Variants in CENPN observed in about 807,000 individuals in gnomAD.
CENPN encodes centromere protein N.
CENPN carries 36 observed loss-of-function variants against 48.6 expected under a neutral mutation model. That is an observed-to-expected ratio of 0.74 (90% CI 0.57 to 0.98). CENPN has a LOEUF of 0.98. Among genes scored for constraint, CENPN ranks in the 50% least tolerant of loss-of-function variants. The pLI, the probability that CENPN is intolerant of heterozygous loss-of-function variation, is 0.00. For synonymous variants in CENPN, 166 were observed against 135.2 expected (o/e 1.23, Z -1.58); for missense variants, 439 against 399.2 (o/e 1.10, Z -0.85).
chr16:81,009,640 A>G (rs1969659995), intron 1 of CENPN, among the ~76,000 whole-genome samples: 1 of 152,138 alleles, frequency 6.6e-6, no homozygotes. Flanking sequence ...TCTTACTATC[A>G]TTTTCAGTAT....
chr16:81,024,307 A>G (rs1970360837), intron 7 of CENPN: 1 of 153,610 alleles, frequency 6.5e-6, no homozygotes, highest in South Asian at 2.0e-4. Context: ...TATAAAAACA[A>G]TGGATTCAGT....
In CENPN at chr16:81,007,817, T is replaced by C. The variant is rs185936615; in HGVS notation, c.-11+540T>C. 5.0e-3 allele frequency among the ~76,000 whole-genome samples: 767 copies of C among 152,254 alleles called. 6 individuals are homozygous for C. The highest frequency in any genetic ancestry group is 0.018 in the African/African-American group (731 of 41,542). ...ACGCTAGGAAGTATAAAGAAAGTTTTAAAATGGGGCCAGGCGCGGTAGTTT... is the reference window on the plus strand; with the variant it reads ...ACGCTAGGAAGTATAAAGAAAGTTTCAAAATGGGGCCAGGCGCGGTAGTTT... On this transcript the variant is annotated intron_variant, in intron 1 of 10. Coordinates refer to ENST00000305850, the MANE Select transcript of CENPN (RefSeq NM_001100624.3).
At position 81,030,267 on chromosome 16, in the gene CENPN, C is replaced by G; in HGVS notation, c.*1616C>G. ...TTTTTTAAACATTTTAAAATCTATT[C>G]TTTATCTTGTTTCAGAGAGGATTTG... On this transcript the variant is annotated 3_prime_UTR_variant, in exon 11 of 11. Coordinates refer to ENST00000305850, the MANE Select transcript of CENPN (RefSeq NM_001100624.3). 1 of 985,390 alleles carries G rather than the reference C, an allele frequency of 1.0e-6. No homozygotes were observed. Among genetic ancestry groups the G allele is most frequent in the Non-Finnish European group, 1.2e-6 (1 of 829,910 alleles). 61.0% of individuals were successfully genotyped at this position (985,390 alleles called of 1,614,324 possible). A position where few individuals can be genotyped will look rare whatever the true frequency, so the allele number is the denominator to read the frequency against.
downstream of CENPN, among the ~76,000 whole-genome samples, chr16:81,031,839 G>A (rs933797724): frequency 3.3e-5 from 5 of 152,190 alleles, no homozygotes; most frequent in African/African-American, 1.2e-4. Flanking sequence ...CTGACCTCAA[G>A]TGATCCTGCC....
intron 1 of CENPN, among the ~76,000 whole-genome samples, chr16:81,009,669 A>G (rs966822552): frequency 6.6e-6 from 1 of 152,238 alleles, no homozygotes; most frequent in African/African-American, 2.4e-5. Context: ...AATACAGTCA[A>G]CTATTTCTTT....
intron 1 of CENPN, among the ~76,000 whole-genome samples, chr16:81,010,998 G>A (rs1427368670): frequency 6.6e-6 from 1 of 152,214 alleles, no homozygotes; most frequent in Non-Finnish European, 1.5e-5. Context: ...CCTGTGCTCA[G>A]CACCTTGCAG....
At position 81,028,578 on chromosome 16, in the gene CENPN, A is replaced by C. The variant is rs1480761768; in HGVS notation, c.947A>C (p.Asp316Ala). The C allele has an allele frequency of 9.4e-6, 15 of 1,600,992 alleles. No homozygotes were observed. The highest frequency in any genetic ancestry group is 1.3e-5 in the Non-Finnish European group (15 of 1,173,532). Residue 316 changes from aspartate (D) to alanine (A), a missense_variant, in exon 11 of 11, where the codon GAT becomes GCT. Transcript: ENST00000305850. ...LKSLAPAGIA[D>A]APLSPLLTCI... is the part of the protein sequence containing the mutation. ...TTTTTTTTAATTTCAGGTATTGCAG[A>C]TGCTCCACTTTCTCCACTGCTCACT... is the stretch of plus-strand genomic sequence containing the variant.
chr16:81,015,306 G>A (rs924099074), intron 3 of CENPN, among the ~76,000 whole-genome samples: 5 of 152,150 alleles, frequency 3.3e-5, no homozygotes, highest in African/African-American at 1.2e-4. Flanking sequence ...AGACCTCTTG[G>A]GTTCATTTCA....
chr16:81,012,289 A>T (rs1344595988), intron 2 of CENPN, among the ~76,000 whole-genome samples, 179 bp downstream of exon 2: 1 of 152,248 alleles, frequency 6.6e-6, no homozygotes, highest in Non-Finnish European at 1.5e-5. Context: ...TTTCATCTTA[A>T]AAGAATGCTT....
chr16:81,024,667 T>C, intron 7 of CENPN, 48 bp from the exon 8 acceptor site: 1 of 1,214,150 alleles, frequency 8.2e-7, no homozygotes, highest in Non-Finnish European at 1.2e-6. Context: ...TTAATATCTG[T>C]ACTTCAAGAT....
At chr16:81,021,440 C>T (rs1192509059) in intron 6 of CENPN, among the ~76,000 whole-genome samples, 1 of 152,256 alleles carries the variant, frequency 6.6e-6, no homozygotes, top group East Asian at 1.9e-4. Flanking sequence ...TGGTTGTAGG[C>T]GAGCAGCTCC....
rs961313191 is a variant in CENPN, at chr16:81,030,325, G to A, written c.*1674G>A. 1 of 985,386 alleles carries A rather than the reference G, an allele frequency of 1.0e-6. No individual in the cohort carries two copies. The highest frequency in any genetic ancestry group is 1.2e-6 in the Non-Finnish European group (1 of 829,902). 61.0% of individuals were successfully genotyped at this position (985,386 alleles called of 1,614,324 possible). ...AGAAACACATTAGACTGGGCATGGT[G>A]GCTCACACTTGTAATCCCAGCACTT... On this transcript the variant is annotated 3_prime_UTR_variant, in exon 11 of 11. Transcript: ENST00000305850.
intron 3 of CENPN, among the ~76,000 whole-genome samples, chr16:81,016,473 A>G (rs1167680972): frequency 2.0e-5 from 3 of 152,228 alleles, no homozygotes; most frequent in Non-Finnish European, 4.4e-5. Flanking sequence ...ATCTAAATAA[A>G]TAATGTGGCT....
At chr16:81,009,569 G>A (rs191630880) in intron 1 of CENPN, among the ~76,000 whole-genome samples, 2 of 152,246 alleles carry the variant, frequency 1.3e-5, no homozygotes, top group African/African-American at 2.4e-5. Flanking sequence ...CTGTTCCTAC[G>A]ACCTTAATTC....
chr16:81,028,425 G>T (rs2549888), intron 10 of CENPN, 128 bp downstream of exon 10: 1,087,345 of 1,462,246 alleles, frequency 0.74, 410,472 homozygotes, highest in South Asian at 0.8. Context: ...GCTCTCTCTT[G>T]CATCTTCTGC....
In CENPN at chr16:81,009,080, A is replaced by G. The variant is rs902980562; in HGVS notation, c.-11+1803A>G. 2.0e-5 allele frequency among the ~76,000 whole-genome samples: 3 copies of G among 152,138 alleles called. No homozygotes were observed. In the East Asian group the frequency reaches 5.8e-4, roughly 29 times the overall value. Reference sequence around the variant, plus strand: ...AAATTAGTTGGGTGTCATGGTGCACACCTGTAATCCCAGATACTCGGGAGG... The same window carrying G: ...AAATTAGTTGGGTGTCATGGTGCACGCCTGTAATCCCAGATACTCGGGAGG... On this transcript the variant is annotated intron_variant, in intron 1 of 10. Coordinates refer to ENST00000305850, the MANE Select transcript of CENPN (RefSeq NM_001100624.3).
chr16:81,019,365 T>C (rs996017709), intron 5 of CENPN, among the ~76,000 whole-genome samples: 4 of 151,466 alleles, frequency 2.6e-5, no homozygotes, highest in Non-Finnish European at 5.9e-5. Context: ...TATAGGCACA[T>C]GTCACCGTGC....
At position 81,020,225 on chromosome 16, in the gene CENPN, C is replaced by T. The variant is rs745762294; in HGVS notation, c.480C>T (p.Tyr160=). ...TGGTGTACTACTCCCAGACTCCGTA[C>T]GCCTTCACGTCCTCCTCCATGCTGA... ...TYVVYYSQTP[Y]AFTSSSMLRR... is the part of the protein sequence containing the mutation. The change falls in exon 6 of 11, where the codon TAC becomes TAT. Residue 160 remains tyrosine (Y), a synonymous_variant. Coordinates refer to ENST00000305850, the MANE Select transcript of CENPN (RefSeq NM_001100624.3). 2.4e-5 allele frequency: 39 copies of T among 1,613,984 alleles called. No homozygotes were observed. Among genetic ancestry groups the T allele is most frequent in the Middle Eastern group, 3.3e-4 (2 of 6,084 alleles).
chr16:81,014,643 A>T (rs531506065), intron 3 of CENPN, among the ~76,000 whole-genome samples: 2 of 152,224 alleles, frequency 1.3e-5, no homozygotes, highest in African/African-American at 4.8e-5. Flanking sequence ...TGAGCCTCAG[A>T]CTTCAAGCAG....
Sources: allele counts gnomAD v4.1 joint callset (sites outside exome capture counted in the v4.1 genomes callset), GRCh38; gene constraint gnomAD v4.1.1; transcripts MANE v1.5; gene names NCBI Gene and HGNC (gene_info 2026-07-23, HGNC 2026-07-21).